XKR7: variants seen among roughly 807,000 people sequenced by gnomAD.
XKR7 encodes the protein XK related 7.
XKR7 carries 11 observed loss-of-function variants against 42.2 expected under a neutral mutation model. That is an observed-to-expected ratio of 0.26 (90% confidence interval 0.16 to 0.43). The LOEUF (loss-of-function observed/expected upper bound fraction) is 0.43. Ranked by LOEUF, XKR7 falls within the 20% of genes least tolerant of loss-of-function variation. The pLI, the probability that XKR7 is intolerant of heterozygous loss-of-function variation, is 1.00. For synonymous variants in XKR7, 346 were observed against 366.4 expected (o/e 0.94, Z 0.64); for missense variants, 710 against 802.2 (o/e 0.89, Z 1.39).
At chr20:31,989,152 G>A (rs569926626) in intron 1 of XKR7, among the ~76,000 whole-genome samples, 191 of 152,284 alleles carry the variant, frequency 1.3e-3, no homozygotes, top group African/African-American at 4.3e-3. Context: ...GGCCTGGGAG[G>A]CCTCTCTGAG....
intron 1 of XKR7, among the ~76,000 whole-genome samples, chr20:31,987,361 C>G (rs181761674): frequency 6.6e-6 from 1 of 150,732 alleles, no homozygotes; most frequent in East Asian, 2.0e-4. Context: ...ATCCAAGACA[C>G]AGACAGACAG....
chr20:31,995,147 C>A lies in XKR7; in HGVS notation c.664C>A (p.Leu222Met). The A allele has an allele frequency of 6.4e-7, 1 of 1,558,102 alleles. No homozygotes were observed. Among genetic ancestry groups the A allele is most frequent in the East Asian group, 2.4e-5 (1 of 41,770 alleles). Residue 222 changes from leucine (L) to methionine (M), a missense_variant, in exon 2 of 3, where the codon CTG (leucine) becomes ATG (methionine). Leu to Met is a conservative substitution (Grantham distance 15, BLOSUM62 2). Coordinates refer to ENST00000562532, the MANE Select transcript of XKR7 (RefSeq NM_001011718.2). The surrounding 1 kb of genome is among the most constrained non-coding windows in gnomAD (Gnocchi z 4.1). Reference protein sequence around the residue: ...RLRRHFYWQMLFESADVSMLR... With the variant: ...RLRRHFYWQMMFESADVSMLR... ...GCGGCGCCACTTCTACTGGCAGATG[C>A]TGTTCGAGAGCGCCGACGTGAGCAT... is the stretch of plus-strand genomic sequence containing the variant.
chr20:31,968,978 C>T lies in XKR7; in HGVS notation c.584+219C>T, dbSNP rs1449696932. Among the ~76,000 whole-genome samples the T allele has an allele frequency of 2.0e-5, 3 of 152,038 alleles. No individual in the cohort carries two copies. The highest frequency in any genetic ancestry group is 4.4e-5 in the Non-Finnish European group (3 of 68,016). On this transcript the variant is annotated intron_variant, in intron 1 of 2. Transcript: ENST00000562532. The surrounding 1 kb of genome is among the most constrained non-coding windows in gnomAD (Gnocchi z 4.5). ...CCCAGTGCCATCCGGTCTGACCTGGCCTTCGAGAGGGGAGGGGATGGTTCA... is the reference window on the plus strand; with the variant it reads ...CCCAGTGCCATCCGGTCTGACCTGGTCTTCGAGAGGGGAGGGGATGGTTCA...
intron 1 of XKR7, among the ~76,000 whole-genome samples, chr20:31,979,739 A>T (rs1381086401): frequency 1.3e-5 from 2 of 152,174 alleles, no homozygotes; most frequent in Admixed American, 1.3e-4. Flanking sequence ...TTCAGATGCC[A>T]TCGGGAGGAT....
At position 32,000,278 on chromosome 20, in the gene XKR7, T is replaced by C. The variant is rs539519143; in HGVS notation, c.*2821T>C. The C allele has an allele frequency of 1.3e-4, 20 of 152,530 alleles. No individual in the cohort carries two copies. The East Asian group carries it at 3.9e-3, about 29-fold the overall frequency. 9.4% of individuals were successfully genotyped at this position (152,530 alleles called of 1,614,324 possible). On this transcript the variant is annotated 3_prime_UTR_variant, in exon 3 of 3. Transcript: ENST00000562532. The stretch of plus-strand genomic sequence containing the variant: ...GAGGGGTCCATCCCCTTGGAGCTGT[T>C]TTGTTTTTCTTTCTGTGACACAATC...
chr20:31,997,099 C>G lies in XKR7; in HGVS notation c.1382C>G (p.Pro461Arg). The G allele has an allele frequency of 6.2e-7, 1 of 1,613,446 alleles. No homozygotes were observed. Among genetic ancestry groups the G allele is most frequent in the Non-Finnish European group, 8.5e-7 (1 of 1,180,028 alleles). The change falls in exon 3 of 3, where the codon CCC becomes CGC. Residue 461 changes from proline (P) to arginine (R), a missense_variant. Physicochemically the swap from Pro to Arg is moderately radical, Grantham distance 103. Transcript: ENST00000562532. The stretch of plus-strand genomic sequence containing the variant: ...TGCATCTTCCGTAAGGCCTCAGAGC[C>G]CTGTGGCCCACCCGCTGACGCCATC... ...PGCIFRKASE[P>R]CGPPADAITS...
At chr20:31,991,621 A>G (rs755126858) in intron 1 of XKR7, among the ~76,000 whole-genome samples, 2 of 152,206 alleles carry the variant, frequency 1.3e-5, no homozygotes, top group Admixed American at 1.3e-4. Context: ...TGAACTCTTC[A>G]GTCCAGAATT....
chr20:31,971,602 G>C (rs1426380422), intron 1 of XKR7, among the ~76,000 whole-genome samples: 2 of 152,160 alleles, frequency 1.3e-5, no homozygotes, highest in Non-Finnish European at 2.9e-5. Context: ...GTGGGGCCTG[G>C]GGTAATGAAG....
rs1239300147 is a variant in XKR7 at position 31,997,323 on chromosome 20, G to A, written c.1606G>A (p.Asp536Asn). 6.2e-7 allele frequency: 1 copy of A among 1,610,290 alleles called. No homozygotes were observed. Among genetic ancestry groups the A allele is most frequent in the Non-Finnish European group, 8.5e-7 (1 of 1,180,012 alleles). ...GCCTCGCAAGAAGTACCCGGCCTGG[G>A]ATGCTCATTTTATTGACCGCCGGCT... ...DLPRKKYPAWDAHFIDRRLRK... is the reference protein window; with the variant it reads ...DLPRKKYPAWNAHFIDRRLRK... The change falls in exon 3 of 3, where the codon GAT (aspartate) becomes AAT (asparagine). Residue 536 changes from aspartate to asparagine, a missense_variant. By Grantham distance (23) the Asp-to-Asn change is conservative. Around this residue, in one of 2 missense-constraint regions of XKR7, gnomAD observed 708 missense variants for 786.2 expected, o/e 0.90. Coordinates refer to ENST00000562532, the MANE Select transcript of XKR7 (RefSeq NM_001011718.2).
chr20:31,991,781 C>A (rs535449856), intron 1 of XKR7, among the ~76,000 whole-genome samples: 2 of 152,294 alleles, frequency 1.3e-5, no homozygotes, highest in East Asian at 1.9e-4. Flanking sequence ...CCTGGAATGA[C>A]CTTCCATCTC....
At chr20:31,994,311 G>A (rs1219418133) in intron 1 of XKR7, among the ~76,000 whole-genome samples, 1 of 152,206 alleles carries the variant, frequency 6.6e-6, no homozygotes, top group Admixed American at 6.5e-5. Context: ...TTAGAGTGCC[G>A]GCCCTGAGGC....
chr20:31,981,007 A>G (rs187520440), intron 1 of XKR7, among the ~76,000 whole-genome samples: 50 of 150,978 alleles, frequency 3.3e-4, no homozygotes, highest in African/African-American at 1.2e-3. Flanking sequence ...CGAGGCCGCA[A>G]TGAGCTGTGC....
At position 32,000,769 on chromosome 20, in the gene XKR7, G is replaced by A. The variant is rs1399498728; in HGVS notation, c.*3312G>A. 6.6e-6 allele frequency: 1 copy of A among 152,590 alleles called. No individual in the cohort carries two copies. Among genetic ancestry groups the A allele is most frequent in the African/African-American group, 2.4e-5 (1 of 41,432 alleles). 9.5% of individuals were successfully genotyped at this position (152,590 alleles called of 1,614,324 possible). A position where few individuals can be genotyped will look rare whatever the true frequency, so the allele number is the denominator to read the frequency against. On this transcript the variant is annotated 3_prime_UTR_variant, in exon 3 of 3. Coordinates refer to ENST00000562532, the MANE Select transcript of XKR7 (RefSeq NM_001011718.2). ...TGACTGTGTTCCCCAAACCTCTGCA[G>A]GCACCACACACACCCACATCACGGC...
In XKR7 at chr20:31,998,675, G is replaced by T. The variant is rs1403782142; in HGVS notation, c.*1218G>T. The stretch of plus-strand genomic sequence containing the variant: ...TGGTCCATAGCCATCTTTCTAAAAG[G>T]AAATTGTCCTCAGAACCCCTGAGAC... On this transcript the variant is annotated 3_prime_UTR_variant, in exon 3 of 3. Coordinates refer to ENST00000562532, the MANE Select transcript of XKR7 (RefSeq NM_001011718.2). 6.6e-6 allele frequency: 1 copy of T among 152,102 alleles called. No individual in the cohort carries two copies. Among genetic ancestry groups the T allele is most frequent in the Non-Finnish European group, 1.5e-5 (1 of 68,022 alleles). The allele number at this position is 152,102 out of a possible 1,614,324, so 9.4% of individuals were successfully genotyped here.
In XKR7 at chr20:32,001,774, C is replaced by T. The variant is rs938035687; in HGVS notation, c.*4317C>T. The stretch of plus-strand genomic sequence containing the variant: ...GGACTGAAAGCCAGGACCCAAGAGT[C>T]CCATTCTGTGCTGGCCCCTGCCACC... On this transcript the variant is annotated 3_prime_UTR_variant, in exon 3 of 3. Coordinates refer to ENST00000562532, the MANE Select transcript of XKR7 (RefSeq NM_001011718.2). The T allele has an allele frequency of 6.6e-6, 1 of 152,252 alleles. No individual in the cohort carries two copies. The highest frequency in any genetic ancestry group is 1.9e-4 in the East Asian group (1 of 5,190). The allele number at this position is 152,252 out of a possible 1,614,324, so 9.4% of individuals were successfully genotyped here. A position where few individuals can be genotyped will look rare whatever the true frequency, so the allele number is the denominator to read the frequency against.
In XKR7 at chr20:32,000,169, C is replaced by T. The variant is rs1417137900; in HGVS notation, c.*2712C>T. 2.0e-5 allele frequency: 3 copies of T among 152,380 alleles called. No individual in the cohort carries two copies. The highest frequency in any genetic ancestry group is 1.9e-4 in the East Asian group (1 of 5,198). The allele number at this position is 152,380 out of a possible 1,614,324, so 9.4% of individuals were successfully genotyped here. ...GTCTCAGCCCTTAAAGGACTCTCCA[C>T]CCAGGAGCTCGGGACCAGGCCTGAG... On this transcript the variant is annotated 3_prime_UTR_variant, in exon 3 of 3. Transcript: ENST00000562532.
At position 31,977,112 on chromosome 20, in the gene XKR7, G is replaced by A. The variant is rs552113704; in HGVS notation, c.584+8353G>A. Among the ~76,000 whole-genome samples, 5 of 152,326 alleles carry A rather than the reference G, an allele frequency of 3.3e-5. No individual in the cohort carries two copies. The East Asian group carries it at 5.8e-4, about 18-fold the overall frequency. On this transcript the variant is annotated intron_variant, in intron 1 of 2. Transcript: ENST00000562532. ...ATCCACAGCCTTTAAAACTGTCCAC[G>A]GCCTAAGGCTAAGGAAAGAGGAGGT...
At position 31,968,706 on chromosome 20, in the gene XKR7, C is replaced by T. The variant is rs1374989625; in HGVS notation, c.531C>T (p.Cys177=). 6.4e-7 allele frequency: 1 copy of T among 1,565,492 alleles called. No homozygotes were observed. Among genetic ancestry groups the T allele is most frequent in the Non-Finnish European group, 8.6e-7 (1 of 1,163,798 alleles). ...SAYRRRCCRL[C]IWLLQTLVHL... ...ACCGCCGCCGCTGCTGCCGCCTCTG[C>T]ATCTGGCTGCTGCAGACCCTCGTCC... The change falls in exon 1 of 3, where the codon TGC becomes TGT. Residue 177 remains cysteine (C), a synonymous_variant. Transcript: ENST00000562532. This position sits in a 1 kb window ranked among gnomAD's most constrained non-coding sequence, Gnocchi z 4.5.
At chr20:31,982,188 C>T (rs1457803114) in intron 1 of XKR7, among the ~76,000 whole-genome samples, 1 of 152,132 alleles carries the variant, frequency 6.6e-6, no homozygotes, top group Non-Finnish European at 1.5e-5. Context: ...TGTCCACGAG[C>T]CATTTTAGCA....
Sources: gnomAD v4.1 joint callset for allele counts (sites outside exome capture counted in the v4.1 genomes callset) on GRCh38, gnomAD v4.1.1 for gene constraint, gnomAD v4.1.1 regional missense constraint, Gnocchi (gnomAD v3.1) non-coding constraint, MANE v1.5 for transcripts, NCBI Gene and HGNC (gene_info 2026-07-23, HGNC 2026-07-21) for gene names.